RTL4: variants seen among roughly 807,000 people sequenced by gnomAD.
The protein encoded by RTL4 is retrotransposon Gag like 4.
Under a neutral mutation model 5.3 loss-of-function variants are expected in RTL4, and 4 were observed. The observed-to-expected ratio is 0.75, with a 90% confidence interval of 0.37 to 1.72. The LOEUF (loss-of-function observed/expected upper bound fraction) is 1.72, where lower values mean the gene tolerates loss of function less well. Among genes scored for constraint, RTL4 ranks in the 40% most tolerant of loss-of-function variants. The pLI, the probability that RTL4 is intolerant of heterozygous loss-of-function variation, is 0.04. For missense variants in RTL4, 260 were observed against 227.1 expected (o/e 1.14, Z -0.93); for synonymous variants, 98 against 87.3 (o/e 1.12, Z -0.68).
the RTL4 span, among the ~76,000 whole-genome samples, chrX:112,419,142 C>T: frequency 9.8e-5 from 10 of 102,339 alleles, no homozygotes; most frequent in African/African-American, 3.6e-4. Context: ...CAGGCATCAC[C>T]TATCTGACCA....
chrX:112,369,441 C>A, the RTL4 span, among the ~76,000 whole-genome samples: 1 of 110,563 alleles, frequency 9.0e-6, no homozygotes, highest in African/African-American at 3.3e-5. Context: ...AGCTCCCATT[C>A]AGAATCCTTC....
the RTL4 span, among the ~76,000 whole-genome samples, chrX:112,313,824 C>A: frequency 1.8e-5 from 2 of 109,209 alleles, no homozygotes; most frequent in Non-Finnish European, 3.8e-5. Context: ...ACTCAAATGA[C>A]AAAGTCATAA....
At chrX:112,436,842 G>A in the RTL4 span, among the ~76,000 whole-genome samples, 2 of 111,257 alleles carry the variant, frequency 1.8e-5, no homozygotes, top group African/African-American at 6.5e-5. Context: ...GGCTGGAGGA[G>A]TTCCTTACCA....
chrX:112,430,068 T>G, the RTL4 span, among the ~76,000 whole-genome samples: 167 of 111,796 alleles, frequency 1.5e-3, 1 homozygote, highest in Non-Finnish European at 2.1e-3. Flanking sequence ...TCACTGGATC[T>G]GTGGTTTGGT....
chrX:112,455,290 C>A (rs1290353127), exon 1 of RTL4: 1 of 1,211,527 alleles, frequency 8.3e-7, no homozygotes. Context: ...CGAAAAGGCA[C>A]TAGCTGATCC....
the RTL4 span, among the ~76,000 whole-genome samples, chrX:112,329,743 T>C: frequency 3.6e-5 from 4 of 110,218 alleles, no homozygotes; most frequent in Non-Finnish European, 7.6e-5. Flanking sequence ...TGATGAACAT[T>C]GATGCAAAAA....
the RTL4 span, among the ~76,000 whole-genome samples, chrX:112,435,766 ATTTG>A: frequency 3.6e-5 from 4 of 112,386 alleles, no homozygotes; most frequent in Non-Finnish European, 7.5e-5. Flanking sequence ...AACTTTTAAA[ATTTG>A]TTTTTTAAGC....
chrX:112,178,377 C>T, the RTL4 span, among the ~76,000 whole-genome samples: 1 of 91,129 alleles, frequency 1.1e-5, no homozygotes, highest in African/African-American at 4.6e-5. Flanking sequence ...TGCATTGGAC[C>T]GTGAAACAGA....
chrX:112,174,734 C>T, the RTL4 span, among the ~76,000 whole-genome samples: 1 of 93,681 alleles, frequency 1.1e-5, no homozygotes, highest in African/African-American at 3.8e-5. Context: ...CACATCCTCT[C>T]CAGCACCTGT....
At chrX:112,226,377 T>C in the RTL4 span, among the ~76,000 whole-genome samples, 1 of 112,061 alleles carries the variant, frequency 8.9e-6, no homozygotes, top group African/African-American at 3.2e-5. Flanking sequence ...CAGATGTGTC[T>C]TTTCCCATCA....
At chrX:112,200,854 G>T in the RTL4 span, among the ~76,000 whole-genome samples, 2 of 111,807 alleles carry the variant, frequency 1.8e-5, no homozygotes, top group African/African-American at 6.5e-5. Context: ...TTTTGTATTT[G>T]TCAGGGGCAG....
At chrX:112,346,695 G>A in the RTL4 span, among the ~76,000 whole-genome samples, 1 of 111,182 alleles carries the variant, frequency 9.0e-6, no homozygotes, top group Non-Finnish European at 1.9e-5. Flanking sequence ...AAGCACTGAG[G>A]TATGCTGCGA....
the RTL4 span, among the ~76,000 whole-genome samples, chrX:112,264,536 G>T: frequency 1.8e-5 from 2 of 112,265 alleles, no homozygotes; most frequent in Non-Finnish European, 3.8e-5. Flanking sequence ...CATGGAAAGT[G>T]ATTATGTATG....
the RTL4 span, among the ~76,000 whole-genome samples, chrX:112,095,017 C>T: frequency 9.0e-6 from 1 of 110,557 alleles, no homozygotes; most frequent in East Asian, 2.9e-4. Flanking sequence ...ACATTTGATA[C>T]GTTTATATGC....
At chrX:112,246,195 G>T in the RTL4 span, among the ~76,000 whole-genome samples, 1 of 112,144 alleles carries the variant, frequency 8.9e-6, no homozygotes, top group Non-Finnish European at 1.9e-5. Context: ...TGAGGAGGCA[G>T]TCTGTCTGTA....
the RTL4 span, among the ~76,000 whole-genome samples, chrX:112,390,107 A>T: frequency 0.14 from 57 of 395 alleles, no homozygotes; most frequent in African/African-American, 0.21. Context: ...TTTATATATA[A>T]TATATATATA....
At chrX:112,390,272 G>A in the RTL4 span, among the ~76,000 whole-genome samples, 1 of 95,846 alleles carries the variant, frequency 1.0e-5, no homozygotes, top group Non-Finnish European at 2.1e-5. Context: ...GGCCAACATG[G>A]TGAAAACCCA....
At chrX:112,433,161 A>G in the RTL4 span, among the ~76,000 whole-genome samples, 1 of 111,470 alleles carries the variant, frequency 9.0e-6, no homozygotes, top group Non-Finnish European at 1.9e-5. Context: ...GAAGTCAGGT[A>G]GTGTGATGCC....
the RTL4 span, chrX:112,381,679 C>T: frequency 1.7e-6 from 2 of 1,209,897 alleles, no homozygotes; most frequent in Non-Finnish European, 2.2e-6. Flanking sequence ...AGGAAAATAT[C>T]CAATCCAGTT....
Sources: allele counts gnomAD v4.1 joint callset (sites outside exome capture counted in the v4.1 genomes callset), GRCh38; gene constraint gnomAD v4.1.1; transcripts MANE v1.5; gene names NCBI Gene and HGNC (gene_info 2026-07-23, HGNC 2026-07-21).